TOM1L2: variants seen among roughly 807,000 people sequenced by gnomAD.
TOM1L2 encodes TOM1-like protein 2.
Under a neutral mutation model 67.9 loss-of-function variants are expected in TOM1L2, and 31 were observed. That is an observed-to-expected ratio of 0.46 (90% CI 0.34 to 0.62). The LOEUF is 0.62. TOM1L2 is among the 20% of genes least tolerant of loss of function. TOM1L2 has a pLI of 0.01. For missense variants in TOM1L2, 606 were observed against 663.5 expected (o/e 0.91, Z 0.95); for synonymous variants, 256 against 254.0 (o/e 1.01, Z -0.07).
At position 17,845,632 on chromosome 17, in the gene TOM1L2, G is replaced by A. The variant is rs1390972107; in HGVS notation, c.*2003C>T. On this transcript the variant is annotated 3_prime_UTR_variant, in exon 15 of 15. Transcript: ENST00000379504. ...CCACCCGCAGGCCCAGCTCTGGCAGGGCCTCAGAGACAACCCAAGTCACAA... is the reference window on the plus strand; with the variant it reads ...CCACCCGCAGGCCCAGCTCTGGCAGAGCCTCAGAGACAACCCAAGTCACAA... 2.0e-5 allele frequency: 3 copies of A among 152,260 alleles called. No homozygotes were observed. The highest frequency in any genetic ancestry group is 4.4e-5 in the Non-Finnish European group (3 of 68,080). 9.4% of individuals were successfully genotyped at this position (152,260 alleles called of 1,614,324 possible). A position where few individuals can be genotyped will look rare whatever the true frequency, so the allele number is the denominator to read the frequency against.
In TOM1L2 at chr17:17,950,507, C is replaced by T. The variant is rs151202379; in HGVS notation, c.52+21755G>A. On this transcript the variant is annotated intron_variant, in intron 1 of 14. Transcript: ENST00000379504. ...CAGGGTCATGCTATCTTACCAAGGCCGGCCTCAAGCTCCTGGGCTTAAGTG... is the reference window on the plus strand; with the variant it reads ...CAGGGTCATGCTATCTTACCAAGGCTGGCCTCAAGCTCCTGGGCTTAAGTG... 2.3e-3 allele frequency among the ~76,000 whole-genome samples: 348 copies of T among 151,890 alleles called. 1 individual carries two copies. The highest frequency in any genetic ancestry group is 3.2e-3 in the Non-Finnish European group (220 of 67,936).
At chr17:17,904,982 C>T (rs373788209) in intron 2 of TOM1L2, among the ~76,000 whole-genome samples, 2 of 152,192 alleles carry the variant, frequency 1.3e-5, no homozygotes, top group Non-Finnish European at 2.9e-5. Context: ...CTTGGCATCC[C>T]GTAGCTGCTA....
intron 6 of TOM1L2, among the ~76,000 whole-genome samples, chr17:17,880,148 C>T (rs926194845): frequency 3.9e-5 from 6 of 152,296 alleles, no homozygotes; most frequent in Admixed American, 3.3e-4. Flanking sequence ...CTCTGAGATC[C>T]CTTCAGAGCT....
At chr17:17,914,500 G>C (rs188227236) in intron 1 of TOM1L2, among the ~76,000 whole-genome samples, 2 of 152,168 alleles carry the variant, frequency 1.3e-5, no homozygotes, top group East Asian at 3.9e-4. Context: ...TGCATGAAAA[G>C]GGCAGAGAGG....
chr17:17,920,851 G>A (rs191061716), intron 1 of TOM1L2, among the ~76,000 whole-genome samples: 41 of 152,142 alleles, frequency 2.7e-4, no homozygotes, highest in Admixed American at 1.8e-3. Context: ...GGCCAGGCTG[G>A]TCTCAAACTC....
chr17:17,911,658 A>T (rs1325687222), intron 1 of TOM1L2, among the ~76,000 whole-genome samples: 16 of 149,982 alleles, frequency 1.1e-4, no homozygotes, highest in Non-Finnish European at 1.6e-4. Flanking sequence ...TTTTTTTTTT[A>T]ATTTTTTTAT....
intron 1 of TOM1L2, among the ~76,000 whole-genome samples, chr17:17,907,778 C>T (rs1171968526): frequency 1.3e-5 from 2 of 152,128 alleles, no homozygotes; most frequent in Admixed American, 1.3e-4. Context: ...AGGCCTAAGC[C>T]ATCAAAAATC....
chr17:17,863,252 A>G (rs1352399015), intron 10 of TOM1L2: 2 of 184,216 alleles, frequency 1.1e-5, no homozygotes, highest in Non-Finnish European at 2.3e-5. Flanking sequence ...CCATGTTCAG[A>G]GCTAGATCTT....
chr17:17,905,423 T>C (rs2039047341), intron 2 of TOM1L2, among the ~76,000 whole-genome samples: 1 of 152,254 alleles, frequency 6.6e-6, no homozygotes, highest in African/African-American at 2.4e-5. Context: ...TCTTCATTCC[T>C]GTCTTATGTC....
chr17:17,935,591 C>T (rs934494175), intron 1 of TOM1L2, among the ~76,000 whole-genome samples: 1 of 152,122 alleles, frequency 6.6e-6, no homozygotes, highest in Admixed American at 6.5e-5. Flanking sequence ...GAGGATGGTG[C>T]ACCTGGAAGC....
intron 2 of TOM1L2, among the ~76,000 whole-genome samples, chr17:17,905,261 G>A (rs2039040655): frequency 2.0e-5 from 3 of 152,152 alleles, no homozygotes; most frequent in Non-Finnish European, 4.4e-5. Context: ...CCCAACTCAA[G>A]TTCCCTGTGC....
intron 12 of TOM1L2, among the ~76,000 whole-genome samples, chr17:17,851,945 A>G (rs16960744): frequency 0.53 from 81,329 of 152,044 alleles, 22,847 homozygotes; most frequent in Non-Finnish European, 0.63. Flanking sequence ...TTAAGTTGCC[A>G]TCAAATATGA....
intron 1 of TOM1L2, among the ~76,000 whole-genome samples, chr17:17,916,479 T>A (rs2039635050): frequency 6.6e-6 from 1 of 152,172 alleles, no homozygotes; most frequent in African/African-American, 2.4e-5. Flanking sequence ...ACTTCACTCT[T>A]TTGCATGTGG....
chr17:17,908,039 T>C (rs983145937), intron 1 of TOM1L2, among the ~76,000 whole-genome samples: 3 of 152,232 alleles, frequency 2.0e-5, no homozygotes, highest in South Asian at 2.1e-4. Flanking sequence ...GTATTTGCTA[T>C]TGGGATTATT....
At chr17:17,883,712 C>T (rs899063292) in intron 5 of TOM1L2, among the ~76,000 whole-genome samples, 3 of 151,966 alleles carry the variant, frequency 2.0e-5, no homozygotes, top group African/African-American at 4.8e-5. Context: ...CCAGCCTGGG[C>T]GACACAGCAA....
intron 2 of TOM1L2, among the ~76,000 whole-genome samples, chr17:17,900,542 GAGAA>G (rs1411221789): frequency 6.0e-5 from 9 of 148,930 alleles, no homozygotes; most frequent in African/African-American, 2.0e-4. Flanking sequence ...AAAAAAAAGA[GAGAA>G]AGAAAGAAAA....
chr17:17,950,894 T>G (rs1041584609), intron 1 of TOM1L2, among the ~76,000 whole-genome samples: 7 of 152,110 alleles, frequency 4.6e-5, no homozygotes, highest in Non-Finnish European at 1.0e-4. Context: ...AGAGCCTTGG[T>G]GCAGAGGGAA....
Position 17,907,655 on chromosome 17 carries a change from CATTCTAGGAGTGCT to C in TOM1L2, c.53-138_53-125del, listed in dbSNP as rs2039159271. On this transcript the variant is annotated intron_variant, in intron 1 of 14. Transcript: ENST00000379504. ...AGCAGATGGGCTGAGCCAACAGAGC[CATTCTAGGAGTGCT>C]ATTATCACAAGAGAACACCCGGGAA... 22 of 776,578 alleles carry C rather than the reference CATTCTAGGAGTGCT, an allele frequency of 2.8e-5. 1 individual carries two copies. Among genetic ancestry groups the C allele is most frequent in the East Asian group, 1.6e-4 (6 of 36,650 alleles). The allele number at this position is 776,578 out of a possible 1,614,324, so 48.1% of individuals were successfully genotyped here.
At chr17:17,955,254 C>T (rs1415488880) in intron 1 of TOM1L2, among the ~76,000 whole-genome samples, 1 of 151,976 alleles carries the variant, frequency 6.6e-6, no homozygotes, top group African/African-American at 2.4e-5. Flanking sequence ...ATGGTGGTCA[C>T]CGGCAGAGGG....
Sources: allele counts gnomAD v4.1 joint callset (sites outside exome capture counted in the v4.1 genomes callset), GRCh38; gene constraint gnomAD v4.1.1; transcripts MANE v1.5; gene names NCBI Gene and HGNC (gene_info 2026-07-23, HGNC 2026-07-21).